NSD2: variants seen among roughly 807,000 people sequenced by gnomAD.
NSD2 encodes nuclear receptor binding SET domain protein 2.
Under a neutral mutation model 139.0 loss-of-function variants are expected in NSD2, and 12 were observed. The ratio of observed to expected loss-of-function variants is 0.09; its 90% confidence interval spans 0.06 to 0.14. The LOEUF (loss-of-function observed/expected upper bound fraction) is 0.14, where lower values mean the gene tolerates loss of function less well. Among genes scored for constraint, NSD2 ranks in the 10% least tolerant of loss-of-function variants. The pLI is 1.00. For missense variants in NSD2, 1,155 were observed against 1,745.0 expected (o/e 0.66, Z 6.02); for synonymous variants, 669 against 648.7 (o/e 1.03, Z -0.48).
Position 1,918,514 on chromosome 4 carries a change from G to T in NSD2, c.1301G>T (p.Gly434Val). The T allele has an allele frequency of 1.9e-6, 3 of 1,613,974 alleles. No homozygotes were observed. The highest frequency in any genetic ancestry group is 2.5e-6 in the Non-Finnish European group (3 of 1,179,954). ...QKTAEADPRR[G>V]VGSPPGRKKT... ...ACGGCAGAGGCTGACCCCAGAAGAG[G>T]AGTAGGGTCTCCTCCTGGGAGGAAG... The change falls in exon 5 of 22, where the codon GGA becomes GTA. Residue 434 changes from glycine (G) to valine (V), a missense_variant. By Grantham distance (109) the Gly-to-Val change is moderately radical. This residue lies in a region of NSD2 where 420 missense variants were observed against 469.0 expected (regional missense o/e 0.90). Coordinates refer to ENST00000508803, the MANE Select transcript of NSD2 (RefSeq NM_001042424.3).
chr4:1,928,466 G>C (rs1043277211), intron 5 of NSD2, among the ~76,000 whole-genome samples: 2 of 152,154 alleles, frequency 1.3e-5, no homozygotes, highest in Non-Finnish European at 1.5e-5. Flanking sequence ...TGTGTTTTTA[G>C]AACTCGTAAC....
chr4:1,944,142 A>G, intron 9 of NSD2: 1 of 1,066,086 alleles, frequency 9.4e-7, no homozygotes, highest in Non-Finnish European at 1.1e-6. Context: ...GGGCAAGTGA[A>G]CTCAGCACTC....
chr4:1,928,933 G>A (rs1365511625), intron 5 of NSD2, among the ~76,000 whole-genome samples: 1 of 152,094 alleles, frequency 6.6e-6, no homozygotes, highest in Admixed American at 6.6e-5. Flanking sequence ...TCAGGGTAGG[G>A]CCTGCTGGGT....
intron 6 of NSD2, among the ~76,000 whole-genome samples, chr4:1,932,925 G>A (rs568866933): frequency 6.6e-6 from 1 of 152,368 alleles, no homozygotes; most frequent in East Asian, 1.9e-4. Context: ...TTGTGCTCAC[G>A]AACGGGTGTT....
At chr4:1,933,391 T>C (rs1477733064) in intron 6 of NSD2, among the ~76,000 whole-genome samples, 1 of 152,184 alleles carries the variant, frequency 6.6e-6, no homozygotes. Flanking sequence ...TTCTGCAAGA[T>C]GTTTTTTTTC....
Position 1,974,176 on chromosome 4 carries a change from GT to G in NSD2, c.3373-684del, listed in dbSNP as rs1466645184. Among the ~76,000 whole-genome samples, 1 of 151,724 alleles carries G rather than the reference GT, an allele frequency of 6.6e-6. No individual in the cohort carries two copies. Among genetic ancestry groups the G allele is most frequent in the African/African-American group, 2.4e-5 (1 of 41,310 alleles). On this transcript the variant is annotated intron_variant, in intron 18 of 21. Transcript: ENST00000508803. This position sits in a 1 kb window ranked among gnomAD's most constrained non-coding sequence, Gnocchi z 4.0. ...TGCCTGGATTTGCTCTTTGGGAATTGTTTCTTTGCATCCTTTGCTGGTTTTC... is the reference window on the plus strand; with the variant it reads ...TGCCTGGATTTGCTCTTTGGGAATTGTTCTTTGCATCCTTTGCTGGTTTTC...
chr4:1,905,283 A>G (rs1203571909), intron 3 of NSD2, among the ~76,000 whole-genome samples: 1 of 152,238 alleles, frequency 6.6e-6, no homozygotes, highest in Admixed American at 6.5e-5. Flanking sequence ...TAGTTTGAGC[A>G]AGTTGCGATG....
At chr4:1,938,395 TCTTTTCTTTTTTTTTTC>T in intron 7 of NSD2, 39 bp from the exon 8 acceptor site, 4 of 1,281,790 alleles carry the variant, frequency 3.1e-6, no homozygotes, top group South Asian at 1.8e-5. Context: ...TTCCTTTTTT[TCTTTTCTTTTTTTTTTC>T]TTTCTTTTTT....
chr4:1,937,491 A>G (rs1722538768), intron 7 of NSD2, among the ~76,000 whole-genome samples: 1 of 152,214 alleles, frequency 6.6e-6, no homozygotes, highest in Non-Finnish European at 1.5e-5. Context: ...TTAAGTGGCT[A>G]GTAATGTTTT....
At position 1,889,765 on chromosome 4, in the gene NSD2, C is replaced by T. The variant is rs562858823; in HGVS notation, c.-29-10861C>T. Among the ~76,000 whole-genome samples, 4 of 152,112 alleles carry T rather than the reference C, an allele frequency of 2.6e-5. No individual in the cohort carries two copies. The East Asian group carries it at 5.8e-4, about 22-fold the overall frequency. On this transcript the variant is annotated intron_variant, in intron 1 of 21. Coordinates refer to ENST00000508803, the MANE Select transcript of NSD2 (RefSeq NM_001042424.3). ...CAGGTGATACACCCGCCTTGACCTC[C>T]CAAAGTGCTGGGATTACAGGCGTGA...
intron 15 of NSD2, 129 bp from the exon 16 acceptor site, chr4:1,957,802 ACT>A (rs1329747502): frequency 4.8e-6 from 4 of 841,696 alleles, no homozygotes; most frequent in Non-Finnish European, 7.3e-6. Context: ...TTGTTCATAG[ACT>A]CTAGTTTTAT....
intron 18 of NSD2, among the ~76,000 whole-genome samples, chr4:1,968,047 T>C (rs1213710251): frequency 2.0e-5 from 3 of 152,274 alleles, no homozygotes; most frequent in Admixed American, 2.0e-4. Context: ...GCAAACCAAA[T>C]TGGCAGCATA....
intron 5 of NSD2, 95 bp from the exon 6 acceptor site, chr4:1,930,531 A>T: frequency 1.5e-6 from 2 of 1,316,328 alleles, no homozygotes; most frequent in Non-Finnish European, 2.0e-6. Flanking sequence ...CGACACACTA[A>T]GTTCTAAAGG....
intron 1 of NSD2, among the ~76,000 whole-genome samples, chr4:1,890,756 G>A (rs1187869287): frequency 2.6e-5 from 4 of 151,752 alleles, no homozygotes; most frequent in African/African-American, 7.3e-5. Context: ...CCACCACCAC[G>A]CTTGGCTAAT....
chr4:1,952,640 T>C (rs1724395099), intron 11 of NSD2: 1 of 913,880 alleles, frequency 1.1e-6, no homozygotes, highest in African/African-American at 1.8e-5. Context: ...GAACATGGAG[T>C]TCTTTATGAA....
At chr4:1,965,399 A>G (rs553483686) in intron 18 of NSD2, among the ~76,000 whole-genome samples, 1 of 152,362 alleles carries the variant, frequency 6.6e-6, no homozygotes, top group Non-Finnish European at 1.5e-5. Flanking sequence ...CAAGCAGACC[A>G]ATATATCTAT....
Position 1,978,823 on chromosome 4 carries a change from A to G in NSD2, c.4012A>G (p.Thr1338Ala), listed in dbSNP as rs998624369. ...LGAASVRSTK[T>A]EKPPPEPGKP... ...GGCGGCATCGGTCAGAAGCACCAAGACTGAGAAGCCCCCCCCAGAGCCAGG... is the reference window on the plus strand; with the variant it reads ...GGCGGCATCGGTCAGAAGCACCAAGGCTGAGAAGCCCCCCCCAGAGCCAGG... The change falls in exon 22 of 22, where the codon ACT becomes GCT. Residue 1338 changes from threonine to alanine, a missense_variant. By Grantham distance (58) the Thr-to-Ala change is moderately conservative. Around this residue, in one of 8 missense-constraint regions of NSD2, gnomAD observed 132 missense variants for 94.3 expected, o/e 1.40. Coordinates refer to ENST00000508803, the MANE Select transcript of NSD2 (RefSeq NM_001042424.3). 3.7e-6 allele frequency: 6 copies of G among 1,608,182 alleles called. No homozygotes were observed. In the African/African-American group the frequency reaches 5.3e-5, roughly 14 times the overall value.
rs181708497 is a variant in NSD2 at position 1,872,833 on chromosome 4, C to A, written c.-30+1291C>A. Among the ~76,000 whole-genome samples, 390 of 152,224 alleles carry A rather than the reference C, an allele frequency of 2.6e-3. 2 individuals are homozygous for A. The highest frequency in any genetic ancestry group is 2.9e-3 in the Non-Finnish European group (199 of 68,024). ...ATCAACGTGGAAAATAACTTAGGAG[C>A]CATCCCATTTATGAACTTGGGACTT... is the stretch of plus-strand genomic sequence containing the variant. On this transcript the variant is annotated intron_variant, in intron 1 of 21. Transcript: ENST00000508803.
chr4:1,944,072 G>A, intron 9 of NSD2: 1 of 1,066,218 alleles, frequency 9.4e-7, no homozygotes, highest in African/African-American at 1.6e-5. Context: ...GGGAATGATA[G>A]TGTATCTCAG....
Sources: allele counts gnomAD v4.1 joint callset (sites outside exome capture counted in the v4.1 genomes callset), GRCh38; gene constraint gnomAD v4.1.1; regional missense constraint gnomAD v4.1.1; non-coding constraint Gnocchi (gnomAD v3.1); transcripts MANE v1.5; gene names NCBI Gene and HGNC (gene_info 2026-07-23, HGNC 2026-07-21).